NBEA: variants seen among roughly 807,000 people sequenced by gnomAD.
NBEA encodes the protein neurobeachin.
In NBEA, 44 loss-of-function variants were observed where a neutral mutation model predicts 343.4. The ratio of observed to expected loss-of-function variants is 0.13; its 90% confidence interval spans 0.10 to 0.16. The LOEUF is 0.16. NBEA is among the 10% of genes least tolerant of loss of function. The probability of loss-of-function intolerance (pLI) is 1.00; values close to 1 mark genes in which losing one functional copy is unlikely to be tolerated. For synonymous variants in NBEA, 1,175 were observed against 1,238.7 expected (o/e 0.95, Z 1.08); for missense variants, 2,555 against 3,631.3 (o/e 0.70, Z 7.62).
chr13:34,991,789 C>T, intron 1 of NBEA, among the ~76,000 whole-genome samples: 1 of 152,122 alleles, frequency 6.6e-6, no homozygotes, highest in East Asian at 1.9e-4. Context: ...CGTCTTGTAT[C>T]ATTTCCCTAC....
At chr13:35,618,051 T>C (rs1216286688) in intron 48 of NBEA, among the ~76,000 whole-genome samples, 1 of 152,226 alleles carries the variant, frequency 6.6e-6, no homozygotes, top group Admixed American at 6.5e-5. Context: ...TCTTATGAAA[T>C]AGCTTTAGAG....
intron 47 of NBEA, among the ~76,000 whole-genome samples, chr13:35,597,440 A>G (rs1318922616): frequency 1.3e-5 from 2 of 152,192 alleles, no homozygotes; most frequent in East Asian, 3.9e-4. Context: ...GAGAGTCAGC[A>G]GAACAGCAGT....
intron 30 of NBEA, chr13:35,186,676 G>A (rs934173142): frequency 2.0e-5 from 3 of 152,094 alleles, no homozygotes; most frequent in Non-Finnish European, 4.4e-5. Flanking sequence ...AAAGCTCATT[G>A]TCAACATCAT....
chr13:35,562,609 T>G (rs1043615910), intron 44 of NBEA, among the ~76,000 whole-genome samples: 2 of 152,056 alleles, frequency 1.3e-5, no homozygotes, highest in Non-Finnish European at 2.9e-5. Flanking sequence ...AAGCCCTCCC[T>G]GGTTAATTAT....
At chr13:35,154,611 G>T (rs2069026237) in intron 18 of NBEA, among the ~76,000 whole-genome samples, 1 of 152,104 alleles carries the variant, frequency 6.6e-6, no homozygotes, top group African/African-American at 2.4e-5. Context: ...GAATGCTGTT[G>T]TGTGTCAGGC....
chr13:35,072,439 G>A (rs573389590), intron 10 of NBEA, among the ~76,000 whole-genome samples: 6 of 152,040 alleles, frequency 3.9e-5, no homozygotes, highest in East Asian at 3.9e-4. Flanking sequence ...GATAGTGTGA[G>A]GAGTCAGCAT....
At chr13:35,056,357 G>T (rs2063260271) in intron 7 of NBEA, among the ~76,000 whole-genome samples, 1 of 151,872 alleles carries the variant, frequency 6.6e-6, no homozygotes, top group Non-Finnish European at 1.5e-5. Context: ...AAGTTTTTTA[G>T]ATCAAAAACC....
chr13:35,634,609 A>G (rs1438082564), intron 49 of NBEA, among the ~76,000 whole-genome samples: 1 of 152,342 alleles, frequency 6.6e-6, no homozygotes, highest in Middle Eastern at 3.4e-3. Context: ...AGAGGTATGC[A>G]CATAAGTCTA....
intron 38 of NBEA, among the ~76,000 whole-genome samples, chr13:35,401,881 T>G (rs2043018518): frequency 6.6e-6 from 1 of 152,028 alleles, no homozygotes; most frequent in Admixed American, 6.6e-5. Context: ...TGCCATTGTT[T>G]TAAATACATA....
intron 40 of NBEA, among the ~76,000 whole-genome samples, chr13:35,463,576 C>T (rs991907513): frequency 5.9e-5 from 9 of 151,848 alleles, no homozygotes; most frequent in East Asian, 1.9e-4. Flanking sequence ...TGTGTGATGG[C>T]GCCACTGCAC....
chr13:34,979,202 GC>G (rs971222134), intron 1 of NBEA, among the ~76,000 whole-genome samples: 17 of 152,194 alleles, frequency 1.1e-4, no homozygotes, highest in African/African-American at 3.9e-4. Flanking sequence ...GTGATGTCGA[GC>G]CCTTTTTCAT....
At chr13:35,628,527 G>A (rs376365502) in intron 49 of NBEA, among the ~76,000 whole-genome samples, 10 of 152,090 alleles carry the variant, frequency 6.6e-5, no homozygotes, top group East Asian at 3.9e-4. Flanking sequence ...AATGCTTTAC[G>A]TATTTTAGTA....
intron 41 of NBEA, among the ~76,000 whole-genome samples, chr13:35,515,701 T>C (rs1412409647): frequency 6.6e-6 from 1 of 152,110 alleles, no homozygotes; most frequent in Non-Finnish European, 1.5e-5. Flanking sequence ...TTATAAGCAG[T>C]TTTTACTCTC....
chr13:34,970,755 C>A (rs956302089), intron 1 of NBEA, among the ~76,000 whole-genome samples: 1 of 152,218 alleles, frequency 6.6e-6, no homozygotes, highest in Admixed American at 6.5e-5. Context: ...TGTGCCAACA[C>A]CATGCTGTTT....
chr13:35,431,504 TC>T (rs2045107760), intron 38 of NBEA, among the ~76,000 whole-genome samples: 2 of 152,194 alleles, frequency 1.3e-5, no homozygotes, highest in African/African-American at 2.4e-5. Flanking sequence ...CTGAAATATC[TC>T]TTGGATTTTT....
At chr13:35,314,400 T>C (rs536334493) in intron 36 of NBEA, among the ~76,000 whole-genome samples, 7 of 152,204 alleles carry the variant, frequency 4.6e-5, no homozygotes, top group African/African-American at 1.2e-4. Flanking sequence ...CTTTAAGACA[T>C]TGACTTCTCT....
At chr13:35,558,720 T>G (rs544997893) in intron 44 of NBEA, among the ~76,000 whole-genome samples, 1 of 152,292 alleles carries the variant, frequency 6.6e-6, no homozygotes, top group African/African-American at 2.4e-5. Flanking sequence ...AGCCCTCTAG[T>G]TGGTTCTGAT....
rs111924357 is a variant in NBEA, at chr13:35,064,201, A to G, written c.1239+5338A>G. 4.0e-4 allele frequency among the ~76,000 whole-genome samples: 61 copies of G among 152,144 alleles called. 1 individual carries two copies. The highest frequency in any genetic ancestry group is 1.3e-3 in the African/African-American group (56 of 41,548). ...AGGTAAAGGACTGGATTTAGGTACC[A>G]GTGAAGTGAGTTCAGAGAAAAAGAT... On this transcript the variant is annotated intron_variant, in intron 8 of 58. Coordinates refer to ENST00000379939, the MANE Select transcript of NBEA (RefSeq NM_001385012.1).
At chr13:35,170,593 TAC>T (rs909339726) in intron 25 of NBEA, among the ~76,000 whole-genome samples, 8 of 151,974 alleles carry the variant, frequency 5.3e-5, no homozygotes, top group Middle Eastern at 3.4e-3. Flanking sequence ...GTAGTGAAAG[TAC>T]AGTTTTCCAA....
Sources: gnomAD v4.1 joint callset for allele counts (sites outside exome capture counted in the v4.1 genomes callset) on GRCh38, gnomAD v4.1.1 for gene constraint, MANE v1.5 for transcripts, NCBI Gene and HGNC (gene_info 2026-07-23, HGNC 2026-07-21) for gene names.